ACACA: variants seen among roughly 807,000 people sequenced by gnomAD.
The protein encoded by ACACA is acetyl-CoA carboxylase alpha.
ACACA carries 103 observed loss-of-function variants against 296.1 expected under a neutral mutation model. The observed-to-expected ratio is 0.35, with a 90% CI of 0.30 to 0.41. ACACA has a LOEUF of 0.41. Ranked by LOEUF, ACACA falls within the 10% of genes least tolerant of loss-of-function variation. The pLI, the probability that ACACA is intolerant of heterozygous loss-of-function variation, is 1.00. For missense variants in ACACA, 1,554 were observed against 2,989.7 expected (o/e 0.52, Z 11.20); for synonymous variants, 953 against 1,038.6 (o/e 0.92, Z 1.58).
At chr17:37,287,368 A>G (rs2082823989) in intron 3 of ACACA, among the ~76,000 whole-genome samples, 1 of 152,118 alleles carries the variant, frequency 6.6e-6, no homozygotes, top group South Asian at 2.1e-4. Flanking sequence ...ATGAGTGGGC[A>G]TTTTCCCTAT....
In ACACA at chr17:37,312,306, T is replaced by C. The variant is rs61701171; in HGVS notation, c.338+17867A>G. Among the ~76,000 whole-genome samples, 1,202 of 152,174 alleles carry C rather than the reference T, an allele frequency of 7.9e-3. 65 individuals carry two copies. The East Asian group carries it at 0.13, about 17-fold the overall frequency. ...GAATAAGCAAAGAGGGAAAAAACACTGGGTAGAAACAAGACTGGAAAAATC... is the reference window on the plus strand; with the variant it reads ...GAATAAGCAAAGAGGGAAAAAACACCGGGTAGAAACAAGACTGGAAAAATC... On this transcript the variant is annotated intron_variant, in intron 3 of 55. Coordinates refer to ENST00000616317, the MANE Select transcript of ACACA (RefSeq NM_198834.3).
At chr17:37,326,652 G>A (rs2047637570) in intron 3 of ACACA, among the ~76,000 whole-genome samples, 1 of 151,824 alleles carries the variant, frequency 6.6e-6, no homozygotes, top group African/African-American at 2.4e-5. Context: ...CCAACACGGT[G>A]AAACCCTGTC....
In ACACA at chr17:37,191,195, G is replaced by A. The variant is rs192767080; in HGVS notation, c.4497C>T (p.Asn1499=). The A allele has an allele frequency of 6.0e-5, 97 of 1,614,096 alleles. No homozygotes were observed. In the East Asian group the frequency reaches 1.9e-3, roughly 32 times the overall value. Residue 1499 remains asparagine, a synonymous_variant, in exon 38 of 56, where the codon AAC becomes AAT. Coordinates refer to ENST00000616317, the MANE Select transcript of ACACA (RefSeq NM_198834.3). ...EAMDELEVAF[N]NTNVRTDCNH... is the part of the protein sequence containing the mutation. ...TACAGTCAGTGCGGACATTTGTATT[G>A]TTAAAAGCAACTTCCAACTCATCCA...
At chr17:37,128,486 T>C (rs886200727) in intron 47 of ACACA, among the ~76,000 whole-genome samples, 3 of 152,180 alleles carry the variant, frequency 2.0e-5, no homozygotes, top group African/African-American at 7.2e-5. Context: ...CTCTTCTACT[T>C]TTATATATAG....
At chr17:37,350,070 C>A (rs967972846) in intron 1 of ACACA, among the ~76,000 whole-genome samples, 1 of 152,092 alleles carries the variant, frequency 6.6e-6, no homozygotes, top group African/African-American at 2.4e-5. Flanking sequence ...TGGCTCACAC[C>A]TGTAATCCCA....
chr17:37,290,934 T>C (rs1227342184), intron 3 of ACACA, among the ~76,000 whole-genome samples: 1 of 151,466 alleles, frequency 6.6e-6, no homozygotes, highest in African/African-American at 2.4e-5. Flanking sequence ...TACAAAAAAT[T>C]AGTCGGGCGT....
chr17:37,099,689 G>T, intron 52 of ACACA, among the ~76,000 whole-genome samples: 1 of 152,010 alleles, frequency 6.6e-6, no homozygotes, highest in African/African-American at 2.4e-5. Flanking sequence ...CAAGAGGGCT[G>T]ATGGGAGGAG....
chr17:37,149,696 A>G (rs2075959286), intron 45 of ACACA, among the ~76,000 whole-genome samples, 168 bp downstream of exon 45: 1 of 152,242 alleles, frequency 6.6e-6, no homozygotes, highest in Non-Finnish European at 1.5e-5. Flanking sequence ...ATGAATGAAT[A>G]AAAAGGCAAG....
intron 52 of ACACA, among the ~76,000 whole-genome samples, chr17:37,107,748 G>C (rs530812037): frequency 6.6e-6 from 1 of 152,264 alleles, no homozygotes; most frequent in African/African-American, 2.4e-5. Context: ...CATTTTGAGA[G>C]AGAGGGACAG....
intron 1 of ACACA, among the ~76,000 whole-genome samples, chr17:37,376,946 T>C (rs924127554): frequency 1.3e-5 from 2 of 152,060 alleles, no homozygotes; most frequent in African/African-American, 4.8e-5. Flanking sequence ...AGAATGAGAC[T>C]CTGTCTCAAA....
At chr17:37,259,606 T>C in intron 11 of ACACA, 76 bp from the exon 12 acceptor site, 1 of 1,495,982 alleles carries the variant, frequency 6.7e-7, no homozygotes, top group East Asian at 2.3e-5. Flanking sequence ...TCTCACTGAC[T>C]CAACTGTTCA....
rs555282445 is a variant in ACACA at position 37,132,118 on chromosome 17, G to A, written c.5680-1900C>T. The stretch of plus-strand genomic sequence containing the variant: ...ATATTACTAATAACACCTCCGCCAC[G>A]GCCAGTTTACCTCATGAAGGCAGGA... On this transcript the variant is annotated intron_variant, in intron 45 of 55. Transcript: ENST00000616317. 1.6e-3 allele frequency among the ~76,000 whole-genome samples: 249 copies of A among 152,196 alleles called. 1 individual carries two copies. Among genetic ancestry groups the A allele is most frequent in the Non-Finnish European group, 3.0e-3 (202 of 68,016 alleles).
intron 16 of ACACA, among the ~76,000 whole-genome samples, chr17:37,250,792 A>G (rs2146086419): frequency 6.6e-6 from 1 of 152,292 alleles, no homozygotes; most frequent in Middle Eastern, 3.4e-3. Flanking sequence ...TTGGGAGGCC[A>G]AGGCGGGTGG....
At chr17:37,241,492 C>A (rs1192841486) in intron 23 of ACACA, among the ~76,000 whole-genome samples, 2 of 151,972 alleles carry the variant, frequency 1.3e-5, no homozygotes, top group Non-Finnish European at 2.9e-5. Context: ...GTCATTTGAG[C>A]CCAAGAGTTT....
Position 37,240,554 on chromosome 17 carries a change from C to T in ACACA, c.3043G>A (p.Gly1015Ser). Reference sequence around the variant, plus strand: ...ACAGCCTTCATGTGGCCTCGGATGCCACTTCGGTACCTAGGCAAATAGAAA... The same window carrying T: ...ACAGCCTTCATGTGGCCTCGGATGCTACTTCGGTACCTAGGCAAATAGAAA... ...IVQLVQRYRS[G>S]IRGHMKAVVM... is the part of the protein sequence containing the mutation. Residue 1015 changes from glycine (G) to serine (S), a missense_variant, in exon 24 of 56, where the codon GGC (glycine) becomes AGC (serine). Coordinates refer to ENST00000616317, the MANE Select transcript of ACACA (RefSeq NM_198834.3). 1 of 1,612,694 alleles carries T rather than the reference C, an allele frequency of 6.2e-7. No individual in the cohort carries two copies. Among genetic ancestry groups the T allele is most frequent in the Non-Finnish European group, 8.5e-7 (1 of 1,179,868 alleles).
chr17:37,373,719 C>G (rs1344934054), intron 1 of ACACA, among the ~76,000 whole-genome samples: 1 of 152,202 alleles, frequency 6.6e-6, no homozygotes, highest in Non-Finnish European at 1.5e-5. Flanking sequence ...AGATCAATTC[C>G]TACTCCTGCT....
intron 8 of ACACA, chr17:37,274,720 C>T (rs1338080011): frequency 9.3e-6 from 9 of 968,172 alleles, no homozygotes; most frequent in Non-Finnish European, 1.1e-5. Flanking sequence ...GTTTTATTGG[C>T]CTCAGCAGAG....
chr17:37,379,018 G>A (rs1476009401), intron 1 of ACACA: 2 of 1,231,006 alleles, frequency 1.6e-6, no homozygotes, highest in African/African-American at 3.1e-5. Context: ...GCTGGAGTGA[G>A]CCATGATTGC....
intron 10 of ACACA, among the ~76,000 whole-genome samples, chr17:37,266,723 C>T (rs1000138900): frequency 6.6e-6 from 1 of 152,086 alleles, no homozygotes; most frequent in South Asian, 2.1e-4. Context: ...CTTTAGCTTA[C>T]CTCTCTTTTA....
Sources: gnomAD v4.1 joint callset for allele counts (sites outside exome capture counted in the v4.1 genomes callset) on GRCh38, gnomAD v4.1.1 for gene constraint, MANE v1.5 for transcripts, NCBI Gene and HGNC (gene_info 2026-07-23, HGNC 2026-07-21) for gene names.